LYN: variants seen among roughly 807,000 people sequenced by gnomAD.
LYN encodes LYN proto-oncogene, Src family tyrosine kinase.
In LYN, 12 loss-of-function variants were observed where a neutral mutation model predicts 65.0. That is an observed-to-expected ratio of 0.18 (90% CI 0.12 to 0.30). The LOEUF (loss-of-function observed/expected upper bound fraction) is 0.30, where lower values mean the gene tolerates loss of function less well. Ranked by LOEUF, LYN falls within the 10% of genes least tolerant of loss-of-function variation. The probability of loss-of-function intolerance (pLI) is 1.00; values close to 1 mark genes in which losing one functional copy is unlikely to be tolerated. For missense variants in LYN, 380 were observed against 623.2 expected, an observed-to-expected ratio of 0.61 and a Z score of 4.16; for synonymous variants, 222 against 221.2, an observed-to-expected ratio of 1.00 and a Z score of -0.03.
intron 1 of LYN, among the ~76,000 whole-genome samples, chr8:55,937,448 T>G (rs1263350139): frequency 6.6e-6 from 1 of 152,206 alleles, no homozygotes; most frequent in East Asian, 1.9e-4. Flanking sequence ...AACCCACTCA[T>G]AATGTGTCAC....
At chr8:55,950,322 T>C (rs1806904321) in intron 4 of LYN, 137 bp from the exon 5 acceptor site, 2 of 611,224 alleles carry the variant, frequency 3.3e-6, no homozygotes, top group Admixed American at 2.9e-5. Flanking sequence ...AAGTCTATGT[T>C]TTCTTTATTT....
At chr8:55,967,680 C>T (rs548176079) in intron 9 of LYN, among the ~76,000 whole-genome samples, 10 of 152,226 alleles carry the variant, frequency 6.6e-5, no homozygotes, top group African/African-American at 2.4e-4. Context: ...CAGGGTGTCA[C>T]TTTTAAATAT....
chr8:55,901,272 A>G (rs560505615), intron 1 of LYN, among the ~76,000 whole-genome samples: 1 of 152,368 alleles, frequency 6.6e-6, no homozygotes, highest in South Asian at 2.1e-4. Flanking sequence ...CCTTTAAAAC[A>G]GGAAAATTGA....
At chr8:55,919,909 G>A (rs934332881) in intron 1 of LYN, among the ~76,000 whole-genome samples, 11 of 150,372 alleles carry the variant, frequency 7.3e-5, no homozygotes, top group Middle Eastern at 6.8e-3. Context: ...AGGGTTGGGC[G>A]GGGGGAGTGG....
chr8:55,982,622 A>T (rs1245014439), intron 10 of LYN, among the ~76,000 whole-genome samples: 3 of 150,828 alleles, frequency 2.0e-5, no homozygotes, highest in Non-Finnish European at 4.4e-5. Context: ...ATCCCCGAAC[A>T]CTCCTCCTTG....
chr8:55,950,428 A>C (rs892021697), intron 4 of LYN, 31 bp from the exon 5 acceptor site: 4 of 1,454,506 alleles, frequency 2.8e-6, no homozygotes, highest in Admixed American at 1.9e-5. Flanking sequence ...GTAATCTTTT[A>C]GCTTCTTTTT....
At position 55,915,842 on chromosome 8, in the gene LYN, G is replaced by T. The variant is rs186276400; in HGVS notation, c.-5-26013G>T. Among the ~76,000 whole-genome samples, 93 of 152,210 alleles carry T rather than the reference G, an allele frequency of 6.1e-4. 1 individual carries two copies. The highest frequency in any genetic ancestry group is 2.1e-3 in the African/African-American group (88 of 41,540). ...AGAGAAAGAGAGCGAGCGAGCGAGA[G>T]ACATCGAGGATAAGAGAGAACAAAG... On this transcript the variant is annotated intron_variant, in intron 1 of 12. Coordinates refer to ENST00000519728, the MANE Select transcript of LYN (RefSeq NM_002350.4).
intron 10 of LYN, among the ~76,000 whole-genome samples, chr8:55,988,029 C>G (rs1175823622): frequency 6.6e-6 from 1 of 152,034 alleles, no homozygotes; most frequent in Non-Finnish European, 1.5e-5. Flanking sequence ...ATTATGATAA[C>G]CAAATAAAGC....
At position 55,988,880 on chromosome 8, in the gene LYN, GA is replaced by G. The variant is rs561858676; in HGVS notation, c.1051-9455del. Among the ~76,000 whole-genome samples, 1,208 of 142,236 alleles carry G rather than the reference GA, an allele frequency of 8.5e-3. 16 individuals carry two copies. Among genetic ancestry groups the G allele is most frequent in the African/African-American group, 0.025 (964 of 39,064 alleles). The allele number at this position is 142,236 out of a possible 152,430, so 93.3% of individuals were successfully genotyped here. On this transcript the variant is annotated intron_variant, in intron 10 of 12. Coordinates refer to ENST00000519728, the MANE Select transcript of LYN (RefSeq NM_002350.4). ...AAATGGGGGTTCTTCTCATTAAAGT[GA>G]AAAAAAAAAACCCAAAAAACAAAAA...
At position 56,007,180 on chromosome 8, in the gene LYN, T is replaced by C. The variant is rs115891639; in HGVS notation, c.1337-2728T>C. ...ATCTCCAGGAAGGAAGTGAAAGAGATATTCCAAACTGAGTGTGCAGGTCCA... is the reference window on the plus strand; with the variant it reads ...ATCTCCAGGAAGGAAGTGAAAGAGACATTCCAAACTGAGTGTGCAGGTCCA... On this transcript the variant is annotated intron_variant, in intron 12 of 12. Transcript: ENST00000519728. Among the ~76,000 whole-genome samples the C allele has an allele frequency of 6.5e-3, 983 of 152,334 alleles. 11 individuals carry two copies. Among genetic ancestry groups the C allele is most frequent in the African/African-American group, 0.023 (941 of 41,584 alleles).
At chr8:55,980,668 C>T (rs968947524) in intron 10 of LYN, 3 of 152,268 alleles carry the variant, frequency 2.0e-5, no homozygotes, top group Non-Finnish European at 4.4e-5. Context: ...CAGCCCTGCT[C>T]CTAATGAGCC....
intron 8 of LYN, among the ~76,000 whole-genome samples, chr8:55,961,347 A>G (rs1807267436): frequency 6.6e-6 from 1 of 152,200 alleles, no homozygotes; most frequent in African/African-American, 2.4e-5. Flanking sequence ...CCAAATCTCC[A>G]TGACTAGGTT....
At chr8:55,976,044 A>G (rs1005277387) in intron 10 of LYN, among the ~76,000 whole-genome samples, 6 of 152,144 alleles carry the variant, frequency 3.9e-5, no homozygotes, top group African/African-American at 1.4e-4. Context: ...ACCGTAAGTC[A>G]CAAAATGCTA....
At chr8:55,932,516 A>G (rs953562395) in intron 1 of LYN, among the ~76,000 whole-genome samples, 3 of 151,984 alleles carry the variant, frequency 2.0e-5, no homozygotes, top group African/African-American at 7.2e-5. Context: ...CCACCTCTCA[A>G]GTTCAAGCAA....
At chr8:55,896,121 T>G (rs1483470411) in intron 1 of LYN, among the ~76,000 whole-genome samples, 1 of 151,958 alleles carries the variant, frequency 6.6e-6, no homozygotes, top group Non-Finnish European at 1.5e-5. Context: ...AAAACAAGTT[T>G]TAGCTAGACG....
At chr8:55,979,111 A>G (rs552901911) in intron 10 of LYN, among the ~76,000 whole-genome samples, 7 of 135,578 alleles carry the variant, frequency 5.2e-5, no homozygotes, top group East Asian at 2.1e-4. Flanking sequence ...GTGGAGTGCA[A>G]TGGTGCTCAC....
chr8:55,930,869 C>G (rs1283850524), intron 1 of LYN, among the ~76,000 whole-genome samples: 3 of 151,930 alleles, frequency 2.0e-5, no homozygotes, highest in African/African-American at 7.3e-5. Flanking sequence ...ACACTGAAGC[C>G]CCAAACTCTT....
Position 55,902,500 on chromosome 8 carries a change from T to C in LYN, c.-6+22397T>C, listed in dbSNP as rs72651464. 3.2e-3 allele frequency among the ~76,000 whole-genome samples: 484 copies of C among 151,788 alleles called. 1 individual carries two copies. The highest frequency in any genetic ancestry group is 4.9e-3 in the Non-Finnish European group (333 of 67,932). On this transcript the variant is annotated intron_variant, in intron 1 of 12. Coordinates refer to ENST00000519728, the MANE Select transcript of LYN (RefSeq NM_002350.4). Reference sequence around the variant, plus strand: ...GCTCCACAACGCCCAGCTAATTTTTTTTTTCTAGAAGTTGAATTGTACAAA... The same window carrying C: ...GCTCCACAACGCCCAGCTAATTTTTCTTTTCTAGAAGTTGAATTGTACAAA...
At chr8:55,881,225 A>G (rs1804645251) in intron 1 of LYN, among the ~76,000 whole-genome samples, 1 of 152,222 alleles carries the variant, frequency 6.6e-6, no homozygotes, top group Non-Finnish European at 1.5e-5. Context: ...TGTTGAAGCT[A>G]AGACTACCAT....
Sources: allele counts gnomAD v4.1 joint callset (sites outside exome capture counted in the v4.1 genomes callset), GRCh38; gene constraint gnomAD v4.1.1; transcripts MANE v1.5; gene names NCBI Gene and HGNC (gene_info 2026-07-23, HGNC 2026-07-21).